Variants in SLC36A4 observed in about 807,000 individuals in gnomAD.
The protein encoded by SLC36A4 is solute carrier family 36 member 4.
In SLC36A4, 49 loss-of-function variants were observed where a neutral mutation model predicts 50.5. That is an observed-to-expected ratio of 0.97 (90% CI 0.77 to 1.23). SLC36A4 has a LOEUF of 1.23. Ranked by LOEUF, SLC36A4 falls within the 50% of genes most tolerant of loss-of-function variation. The pLI is 0.00. For synonymous variants in SLC36A4, 207 were observed against 206.5 expected, an observed-to-expected ratio of 1.00 and a Z score of -0.02; for missense variants, 611 against 608.4, an observed-to-expected ratio of 1.00 and a Z score of -0.05.
intron 7 of SLC36A4, 139 bp downstream of exon 7, chr11:93,167,805 A>G: frequency 3.3e-6 from 2 of 602,942 alleles, no homozygotes; most frequent in Middle Eastern, 4.4e-4. Flanking sequence ...CCTAAAAGAA[A>G]CCAACATTTA....
intron 6 of SLC36A4, among the ~76,000 whole-genome samples, chr11:93,170,590 G>C (rs1861088112): frequency 6.6e-6 from 1 of 152,046 alleles, no homozygotes; most frequent in African/African-American, 2.4e-5. Context: ...GCAGAGATTT[G>C]AACTCCTATC....
intron 4 of SLC36A4, chr11:93,182,411 TA>T (rs1861778524): frequency 5.4e-6 from 1 of 185,088 alleles, no homozygotes; most frequent in African/African-American, 2.4e-5. Context: ...TAAAGACAAA[TA>T]ATATTGTGTT....
chr11:93,148,979 T>C (rs1849017581), intron 10 of SLC36A4, 135 bp from the exon 11 acceptor site: 2 of 987,694 alleles, frequency 2.0e-6, no homozygotes, highest in Non-Finnish European at 2.9e-6. Context: ...AACTATTGCT[T>C]GTGAAAAAAA....
chr11:93,187,172 T>A (rs971698999), intron 1 of SLC36A4, among the ~76,000 whole-genome samples: 1 of 151,680 alleles, frequency 6.6e-6, no homozygotes, highest in Non-Finnish European at 1.5e-5. Flanking sequence ...TGCTTTTATA[T>A]GCTACTTTTG....
chr11:93,156,378 G>A (rs192398259), intron 9 of SLC36A4, among the ~76,000 whole-genome samples: 207 of 151,532 alleles, frequency 1.4e-3, no homozygotes, highest in Admixed American at 4.2e-3. Context: ...CGGCATGTAT[G>A]TCTTCTTTTG....
chr11:93,170,817 GA>G (rs1210668170), intron 6 of SLC36A4, among the ~76,000 whole-genome samples: 6 of 151,948 alleles, frequency 3.9e-5, no homozygotes, highest in Non-Finnish European at 7.4e-5. Context: ...TGTACATAAA[GA>G]CTTAATGGGA....
intron 9 of SLC36A4, among the ~76,000 whole-genome samples, chr11:93,159,242 T>C (rs759177162): frequency 3.9e-5 from 6 of 152,152 alleles, no homozygotes; most frequent in Non-Finnish European, 7.4e-5. Context: ...AGCCAATATA[T>C]TGAATCAGAT....
In SLC36A4 at chr11:93,181,690, C is replaced by T; in HGVS notation, c.455+1G>A. On this transcript the variant is annotated splice_donor_variant, in intron 5 of 10. Transcript: ENST00000326402. LOFTEE classifies it high-confidence loss of function. ...ATATTAATAACAGAGTAAGTACTTA[C>T]CGCCCCCATGCTGCTTGCTTCTGAA... is the stretch of plus-strand genomic sequence containing the variant. 6.6e-7 allele frequency: 1 copy of T among 1,517,312 alleles called. No homozygotes were observed. Among genetic ancestry groups the T allele is most frequent in the Non-Finnish European group, 8.9e-7 (1 of 1,128,566 alleles). The allele number at this position is 1,517,312 out of a possible 1,614,324, so 94.0% of individuals were successfully genotyped here. A position where few individuals can be genotyped will look rare whatever the true frequency, so the allele number is the denominator to read the frequency against.
chr11:93,180,381 G>A, intron 6 of SLC36A4: 1 of 924,504 alleles, frequency 1.1e-6, no homozygotes, highest in South Asian at 5.0e-5. Flanking sequence ...TTTACACAAT[G>A]GCTATAATTA....
chr11:93,175,488 A>G (rs1307338250), intron 6 of SLC36A4, among the ~76,000 whole-genome samples: 2 of 150,958 alleles, frequency 1.3e-5, no homozygotes, highest in African/African-American at 4.8e-5. Context: ...GCCTTCTGCT[A>G]GCTTTTGAAT....
chr11:93,192,130 A>G (rs1016869219), intron 1 of SLC36A4, among the ~76,000 whole-genome samples: 2 of 152,236 alleles, frequency 1.3e-5, no homozygotes, highest in Non-Finnish European at 1.5e-5. Context: ...TAAGTTGGAT[A>G]GTGTTAAGTG....
intron 6 of SLC36A4, among the ~76,000 whole-genome samples, chr11:93,177,004 G>C (rs1861506138): frequency 6.6e-6 from 1 of 152,072 alleles, no homozygotes; most frequent in Non-Finnish European, 1.5e-5. Flanking sequence ...GGCCTGTCTT[G>C]GTAGGTTGGG....
intron 6 of SLC36A4, chr11:93,170,180 A>C (rs1861064233): frequency 6.6e-6 from 1 of 152,124 alleles, no homozygotes; most frequent in South Asian, 2.1e-4. Context: ...GCTATCTAAT[A>C]GGACTTCCTA....
chr11:93,187,711 A>G (rs1862049973), intron 1 of SLC36A4, among the ~76,000 whole-genome samples: 1 of 152,168 alleles, frequency 6.6e-6, no homozygotes, highest in African/African-American at 2.4e-5. Flanking sequence ...GTTTATTTCA[A>G]AGACAATGTT....
chr11:93,167,653 T>C (rs1468038500), intron 7 of SLC36A4: 1 of 298,150 alleles, frequency 3.4e-6, no homozygotes, highest in Admixed American at 5.0e-5. Context: ...ATCCTAAGTC[T>C]CATAACTCTA....
chr11:93,193,124 A>C (rs1862281607), intron 1 of SLC36A4: 2 of 632,414 alleles, frequency 3.2e-6, no homozygotes, highest in Non-Finnish European at 2.0e-6. Context: ...TCTTTGACAA[A>C]AATTAGAAAT....
chr11:93,160,803 T>G (rs776474076), intron 9 of SLC36A4: 33 of 916,466 alleles, frequency 3.6e-5, no homozygotes, highest in Non-Finnish European at 4.3e-5. Context: ...TGTCAATTTC[T>G]GAAATGATTA....
At chr11:93,188,394 C>T (rs1193180092) in intron 1 of SLC36A4, among the ~76,000 whole-genome samples, 3 of 152,170 alleles carry the variant, frequency 2.0e-5, no homozygotes, top group Non-Finnish European at 4.4e-5. Context: ...ACATATTCTT[C>T]TTCTAATAAC....
chr11:93,175,358 C>G (rs1304756590), intron 6 of SLC36A4, among the ~76,000 whole-genome samples: 1 of 150,504 alleles, frequency 6.6e-6, no homozygotes, highest in Admixed American at 6.6e-5. Context: ...ATTAGTCTTG[C>G]TAGCGGTCTA....
Sources: gnomAD v4.1 joint callset for allele counts (sites outside exome capture counted in the v4.1 genomes callset) on GRCh38, gnomAD v4.1.1 for gene constraint, MANE v1.5 for transcripts, NCBI Gene and HGNC (gene_info 2026-07-23, HGNC 2026-07-21) for gene names.